SNX19: variants seen among roughly 807,000 people sequenced by gnomAD.
SNX19 encodes sorting nexin-19.
A neutral mutation model predicts 85.2 loss-of-function variants in SNX19; 60 were observed. The observed-to-expected ratio is 0.70, with a 90% CI of 0.57 to 0.87. The LOEUF is 0.87. Among genes scored for constraint, SNX19 ranks in the 40% least tolerant of loss-of-function variants. The probability of loss-of-function intolerance (pLI) is 0.00; values close to 1 mark genes in which losing one functional copy is unlikely to be tolerated. For synonymous variants in SNX19, 520 were observed against 470.0 expected, an observed-to-expected ratio of 1.11 and a Z score of -1.38; for missense variants, 1,201 against 1,217.8, an observed-to-expected ratio of 0.99 and a Z score of 0.21.
chr11:130,915,752 C>T lies in SNX19; in HGVS notation c.188G>A (p.Gly63Glu). ...LLSALLVVLG[G>E]WLGSSLAGVA... ...TCCAGCGAGGCTGGAGCCCAGCCATCCTCCCAGCACCACTAGCAATGCCGA... is the reference window on the plus strand; with the variant it reads ...TCCAGCGAGGCTGGAGCCCAGCCATTCTCCCAGCACCACTAGCAATGCCGA... The change falls in exon 1 of 11, where the codon GGA (glycine) becomes GAA (glutamate). Residue 63 changes from glycine to glutamate, a missense_variant. Coordinates refer to ENST00000265909, the MANE Select transcript of SNX19 (RefSeq NM_014758.3). The T allele has an allele frequency of 6.2e-7, 1 of 1,614,204 alleles. No homozygotes were observed. The highest frequency in any genetic ancestry group is 8.5e-7 in the Non-Finnish European group (1 of 1,180,054).
At chr11:130,899,060 T>G (rs1394900528) in intron 8 of SNX19, among the ~76,000 whole-genome samples, 1 of 152,220 alleles carries the variant, frequency 6.6e-6, no homozygotes, top group Non-Finnish European at 1.5e-5. Context: ...TTTCCTTGTC[T>G]TTAAAATGAG....
chr11:130,898,430 G>A (rs781015359), intron 8 of SNX19, among the ~76,000 whole-genome samples: 10 of 152,170 alleles, frequency 6.6e-5, no homozygotes, highest in Non-Finnish European at 1.0e-4. Flanking sequence ...GCAGTACCAC[G>A]TGTGGCACCA....
Position 130,908,091 on chromosome 11 carries a change from G to A in SNX19, c.2035-8C>T. The A allele has an allele frequency of 6.2e-7, 1 of 1,613,674 alleles. No homozygotes were observed. The highest frequency in any genetic ancestry group is 8.5e-7 in the Non-Finnish European group (1 of 1,179,814). ...AATGGCACTCACCACCATCTGCAGG[G>A]GTCAGAGGTGCAGGGTCAGTCCATC... is the stretch of plus-strand genomic sequence containing the variant. On this transcript the variant is annotated splice_polypyrimidine_tract_variant and splice_region_variant and intron_variant, in intron 4 of 10. Coordinates refer to ENST00000265909, the MANE Select transcript of SNX19 (RefSeq NM_014758.3).
intron 8 of SNX19, among the ~76,000 whole-genome samples, chr11:130,883,668 C>T (rs947541224): frequency 6.6e-6 from 1 of 152,196 alleles, no homozygotes; most frequent in Non-Finnish European, 1.5e-5. Flanking sequence ...TCTGCCCACC[C>T]TTCCCCCTGT....
Position 130,915,802 on chromosome 11 carries a change from G to C in SNX19, c.138C>G (p.Val46=). The C allele has an allele frequency of 1.9e-6, 3 of 1,614,176 alleles. No individual in the cohort carries two copies. Among genetic ancestry groups the C allele is most frequent in the Non-Finnish European group, 2.5e-6 (3 of 1,180,044 alleles). The part of the protein sequence containing the change: ...LGWLLVIHLL[V]NVWLLCLLSA... ...ACAGAAGGCACAGCAGCCACACGTT[G>C]ACCAGAAGGTGTATGACCAGGAGCC... The change falls in exon 1 of 11, where the codon GTC becomes GTG. Residue 46 remains valine (V), a synonymous_variant. Coordinates refer to ENST00000265909, the MANE Select transcript of SNX19 (RefSeq NM_014758.3).
At chr11:130,910,712 A>G (rs1047127445) in intron 2 of SNX19, among the ~76,000 whole-genome samples, 30 of 152,226 alleles carry the variant, frequency 2.0e-4, no homozygotes, top group African/African-American at 6.5e-4. Flanking sequence ...GGAGCATTAA[A>G]AGAGCTAATA....
In SNX19 at chr11:130,884,192, C is replaced by T. The variant is rs539421346; in HGVS notation, c.2574-3386G>A. ...TCCATACACACCACCATTTCATTAT[C>T]TAACTTTATTAACTCCCCTAATCAT... On this transcript the variant is annotated intron_variant, in intron 8 of 10. Transcript: ENST00000265909. Among the ~76,000 whole-genome samples, 3 of 152,316 alleles carry T rather than the reference C, an allele frequency of 2.0e-5. No individual in the cohort carries two copies. In the South Asian group the frequency reaches 6.2e-4, roughly 32 times the overall value.
At position 130,870,241 on chromosome 11, in the gene SNX19, T is replaced by C. The variant is rs550401744; in HGVS notation, c.*8181A>G. 6.6e-5 allele frequency: 10 copies of C among 152,332 alleles called. No individual in the cohort carries two copies. Among genetic ancestry groups the C allele is most frequent in the African/African-American group, 2.4e-4 (10 of 41,560 alleles). The allele number at this position is 152,332 out of a possible 1,614,324, so 9.4% of individuals were successfully genotyped here. A position where few individuals can be genotyped will look rare whatever the true frequency, so the allele number is the denominator to read the frequency against. On this transcript the variant is annotated 3_prime_UTR_variant, in exon 11 of 11. Coordinates refer to ENST00000265909, the MANE Select transcript of SNX19 (RefSeq NM_014758.3). ...AGCTCTTGCCTCAGTCCTCTCCAGA[T>C]TGCTAAAAGGAGGTGTATAACCCTG...
chr11:130,911,825 A>G (rs892909835), intron 1 of SNX19, 54 bp from the exon 2 acceptor site: 5 of 1,584,172 alleles, frequency 3.2e-6, no homozygotes, highest in Admixed American at 3.4e-5. Flanking sequence ...GCAATCTTCT[A>G]TTCTGGCTTT....
Position 130,910,044 on chromosome 11 carries a change from G to T in SNX19, c.2008C>A (p.Pro670Thr). ...TDARIAFVKK[P>T]FMVSRIDKMV... is the part of the protein sequence containing the mutation. The stretch of plus-strand genomic sequence containing the variant: ...TTGTCTATTCTAGAGACCATAAATG[G>T]TTTCTTGACAAAGGCAATACGAGCA... The change falls in exon 4 of 11, where the codon CCA (proline) becomes ACA (threonine). Residue 670 changes from proline to threonine, a missense_variant. Physicochemically the swap from Pro to Thr is conservative, Grantham distance 38. Transcript: ENST00000265909. 3 of 1,613,836 alleles carry T rather than the reference G, an allele frequency of 1.9e-6. No individual in the cohort carries two copies. Among genetic ancestry groups the T allele is most frequent in the African/African-American group, 1.3e-5 (1 of 75,026 alleles).
Position 130,902,433 on chromosome 11 carries a change from T to C in SNX19, c.2573+822A>G, listed in dbSNP as rs572241358. 1.7e-4 allele frequency among the ~76,000 whole-genome samples: 26 copies of C among 152,336 alleles called. No homozygotes were observed. The South Asian group carries it at 5.0e-3, about 29-fold the overall frequency. On this transcript the variant is annotated intron_variant, in intron 8 of 10. Transcript: ENST00000265909. ...GATACATAATTCTTTTTTATAAGGA[T>C]GTATTTTTTGAGTGACCTGTTAGCA... is the stretch of plus-strand genomic sequence containing the variant.
chr11:130,894,784 T>A (rs1033508657), intron 8 of SNX19: 1 of 985,350 alleles, frequency 1.0e-6, no homozygotes, highest in East Asian at 1.1e-4. Context: ...AATGTCTTAG[T>A]GTCTAGAATA....
chr11:130,893,532 T>C (rs1944650473), intron 8 of SNX19, among the ~76,000 whole-genome samples: 1 of 152,146 alleles, frequency 6.6e-6, no homozygotes, highest in African/African-American at 2.4e-5. Flanking sequence ...CCCAAAAGTA[T>C]TTCCAGTTCC....
At chr11:130,894,639 TG>T (rs1565525276) in intron 8 of SNX19, 1 of 985,328 alleles carries the variant, frequency 1.0e-6, no homozygotes, top group African/African-American at 1.7e-5. Flanking sequence ...GCCCACGCCA[TG>T]CAGCAGCAGT....
At position 130,915,379 on chromosome 11, in the gene SNX19, G is replaced by A. The variant is rs1946484202; in HGVS notation, c.561C>T (p.His187=). 1.2e-6 allele frequency: 2 copies of A among 1,613,858 alleles called. No homozygotes were observed. Among genetic ancestry groups the A allele is most frequent in the Non-Finnish European group, 1.7e-6 (2 of 1,179,816 alleles). The change falls in exon 1 of 11, where the codon CAC becomes CAT. Residue 187 remains histidine (H), a synonymous_variant. Transcript: ENST00000265909. ...AGKNGPVEPS[H]LWEAYCRATA... ...TCGCCCGGCAGTAAGCCTCCCAGAG[G>A]TGGGAAGGCTCAACTGGACCATTCT...
At chr11:130,879,250 G>A (rs941133487) in intron 10 of SNX19, among the ~76,000 whole-genome samples, 1 of 152,182 alleles carries the variant, frequency 6.6e-6, no homozygotes, top group Non-Finnish European at 1.5e-5. Flanking sequence ...GCCAGGGTAC[G>A]CTCTTGGAGC....
chr11:130,907,104 T>A (rs1395158136), intron 5 of SNX19, among the ~76,000 whole-genome samples: 1 of 152,226 alleles, frequency 6.6e-6, no homozygotes, highest in Non-Finnish European at 1.5e-5. Flanking sequence ...CAAGTTTTCA[T>A]TATTGCTATT....
rs1380038977 is a variant in SNX19 at position 130,915,940 on chromosome 11, G to A, written c.-1C>T. On this transcript the variant is annotated 5_prime_UTR_variant, in exon 1 of 11. Coordinates refer to ENST00000265909, the MANE Select transcript of SNX19 (RefSeq NM_014758.3). ...ACGGTGGCACTGTTTCTGTCTTCAT[G>A]GCTGAACGGACAAGGTGGCTTCCCC... 6.2e-7 allele frequency: 1 copy of A among 1,612,296 alleles called. No individual in the cohort carries two copies. Among genetic ancestry groups the A allele is most frequent in the East Asian group, 2.2e-5 (1 of 44,840 alleles).
In SNX19 at chr11:130,871,212, A is replaced by G. The variant is rs1565492885; in HGVS notation, c.*7210T>C. Among the ~76,000 whole-genome samples the G allele has an allele frequency of 6.6e-6, 1 of 152,192 alleles. No homozygotes were observed. The highest frequency in any genetic ancestry group is 1.5e-5 in the Non-Finnish European group (1 of 68,032). On this transcript the variant is annotated 3_prime_UTR_variant, in exon 11 of 11. Coordinates refer to ENST00000265909, the MANE Select transcript of SNX19 (RefSeq NM_014758.3). ...CTCCTGCCTAAACCATCTATAATAC[A>G]TTCTGTCCCCAAGAAAATGCTCTAC... is the stretch of plus-strand genomic sequence containing the variant.
Sources: gnomAD v4.1 joint callset for allele counts (sites outside exome capture counted in the v4.1 genomes callset) on GRCh38, gnomAD v4.1.1 for gene constraint, MANE v1.5 for transcripts, NCBI Gene and HGNC (gene_info 2026-07-23, HGNC 2026-07-21) for gene names.